KCTD1: variants seen among roughly 807,000 people sequenced by gnomAD.
The protein encoded by KCTD1 is BTB/POZ domain-containing protein KCTD1.
A neutral mutation model predicts 66.0 loss-of-function variants in KCTD1; 24 were observed. The ratio of observed to expected loss-of-function variants is 0.36; its 90% CI spans 0.26 to 0.51. The LOEUF (loss-of-function observed/expected upper bound fraction) is 0.51. Ranked by LOEUF, KCTD1 falls within the 20% of genes least tolerant of loss-of-function variation. The pLI is 0.95. For missense variants in KCTD1, 943 were observed against 1,205.2 expected (o/e 0.78, Z 3.22); for synonymous variants, 511 against 517.2 (o/e 0.99, Z 0.16).
At chr18:26,469,924 AAAAC>A (rs56839156) in intron 3 of KCTD1, among the ~76,000 whole-genome samples, 6 of 151,602 alleles carry the variant, frequency 4.0e-5, no homozygotes, top group African/African-American at 1.5e-4. Context: ...CCATCTCAAA[AAAAC>A]AAACAAACAA....
chr18:26,498,030 T>A (rs1982567621), intron 2 of KCTD1, among the ~76,000 whole-genome samples: 1 of 152,204 alleles, frequency 6.6e-6, no homozygotes, highest in African/African-American at 2.4e-5. Context: ...CAATGCTACA[T>A]GTTGGGCACA....
At chr18:26,589,014 A>G (rs1221561573) in intron 1 of KCTD1, among the ~76,000 whole-genome samples, 1 of 151,908 alleles carries the variant, frequency 6.6e-6, no homozygotes, top group Non-Finnish European at 1.5e-5. Context: ...AACTGCAAAC[A>G]ATCAGCAGAG....
chr18:26,464,113 C>T (rs1436810924), intron 3 of KCTD1, among the ~76,000 whole-genome samples: 1 of 152,160 alleles, frequency 6.6e-6, no homozygotes, highest in African/African-American at 2.4e-5. Flanking sequence ...GAGAAATTAC[C>T]ACAAATTTGG....
At chr18:26,601,702 A>C (rs963507671) in intron 1 of KCTD1, among the ~76,000 whole-genome samples, 1 of 152,172 alleles carries the variant, frequency 6.6e-6, no homozygotes, top group Admixed American at 6.5e-5. Context: ...CATAATTTGT[A>C]GTTTTCAGTT....
intron 1 of KCTD1, chr18:26,581,757 T>TTGAA (rs1162247087): frequency 2.0e-5 from 3 of 152,054 alleles, no homozygotes; most frequent in Non-Finnish European, 4.4e-5. Flanking sequence ...TACATATTTG[T>TTGAA]TGAATGAATG....
chr18:26,524,292 G>A (rs900558562), intron 1 of KCTD1, among the ~76,000 whole-genome samples: 2 of 152,132 alleles, frequency 1.3e-5, no homozygotes, highest in African/African-American at 4.8e-5. Context: ...GCAAGACAGC[G>A]CTCACAGGCT....
chr18:26,567,400 C>T (rs2144890352), intron 1 of KCTD1, among the ~76,000 whole-genome samples: 1 of 151,910 alleles, frequency 6.6e-6, no homozygotes, highest in South Asian at 2.1e-4. Flanking sequence ...GTGTCTCCAT[C>T]TTAGGGATGG....
chr18:26,552,766 G>T (rs544929264), upstream of KCTD1, among the ~76,000 whole-genome samples: 67 of 152,218 alleles, frequency 4.4e-4, no homozygotes, highest in Non-Finnish European at 7.8e-4. Flanking sequence ...GAGGTGGGCT[G>T]GGGAGGATTT....
At chr18:26,567,782 C>T (rs1391872273) in intron 1 of KCTD1, among the ~76,000 whole-genome samples, 6 of 152,014 alleles carry the variant, frequency 3.9e-5, no homozygotes, top group Non-Finnish European at 5.9e-5. Flanking sequence ...CCACCGTGCC[C>T]GGCCAAGTGC....
At chr18:26,556,100 T>A (rs778502664) in intron 1 of KCTD1, among the ~76,000 whole-genome samples, 1 of 152,248 alleles carries the variant, frequency 6.6e-6, no homozygotes, top group East Asian at 1.9e-4. Flanking sequence ...TGACTTACTT[T>A]TTCTTAGGAA....
At position 26,547,127 on chromosome 18, in the gene KCTD1, C is replaced by CT; in HGVS notation, c.1409dup (p.Leu471AlafsTer146). 6.4e-7 allele frequency: 1 copy of CT among 1,550,526 alleles called. No individual in the cohort carries two copies. Among genetic ancestry groups the CT allele is most frequent in the Non-Finnish European group, 8.7e-7 (1 of 1,146,924 alleles). On this transcript the variant is annotated frameshift_variant, in exon 1 of 5. Transcript: ENST00000580059. LOFTEE classifies it high-confidence loss of function. ...AGCCCTGCGGGGCGGGCGAGCCCAG[C>CT]TTGGTGCCAATGCCCGCGATGCTGT...
At chr18:26,656,437 G>T (rs373583415) in intron 1 of KCTD1, among the ~76,000 whole-genome samples, 1 of 152,014 alleles carries the variant, frequency 6.6e-6, no homozygotes, top group Non-Finnish European at 1.5e-5. Context: ...TAAATGAAAC[G>T]TTTGCATCCA....
At position 26,568,761 on chromosome 18, in the gene KCTD1, C is replaced by A. The variant is rs985727812; in HGVS notation, c.-16+60386G>T. ...TAACTAATTTGCTGCTACTGGTATACTTTTGATACCCAGCTTTGTACATTG... is the reference window on the plus strand; with the variant it reads ...TAACTAATTTGCTGCTACTGGTATAATTTTGATACCCAGCTTTGTACATTG... On this transcript the variant is annotated intron_variant, in intron 1 of 4. Transcript: ENST00000317932. 6.6e-5 allele frequency among the ~76,000 whole-genome samples: 10 copies of A among 152,308 alleles called. No individual in the cohort carries two copies. The South Asian group carries it at 2.1e-3, about 32-fold the overall frequency.
chr18:26,604,550 T>A lies in KCTD1; in HGVS notation c.-16+24597A>T, dbSNP rs556523979. Among the ~76,000 whole-genome samples, 43 of 152,364 alleles carry A rather than the reference T, an allele frequency of 2.8e-4. No homozygotes were observed. In the East Asian group the frequency reaches 3.3e-3, roughly 12 times the overall value. ...AATGTGGTACATATACACCATGGAATACTATGCAGCCATAAAAAATGAGAT... is the reference window on the plus strand; with the variant it reads ...AATGTGGTACATATACACCATGGAAAACTATGCAGCCATAAAAAATGAGAT... On this transcript the variant is annotated intron_variant, in intron 1 of 4. Transcript: ENST00000317932.
At chr18:26,610,717 A>G (rs552544011) in intron 1 of KCTD1, among the ~76,000 whole-genome samples, 1 of 152,248 alleles carries the variant, frequency 6.6e-6, no homozygotes, top group Admixed American at 6.5e-5. Context: ...AGAGAAAGAA[A>G]GAAAGGAAGA....
Position 26,476,456 on chromosome 18 carries a change from TGGAGCACA to T in KCTD1, c.2133+51_2133+58del. The T allele has an allele frequency of 2.0e-6, 3 of 1,498,968 alleles. No individual in the cohort carries two copies. Among genetic ancestry groups the T allele is most frequent in the African/African-American group, 2.8e-5 (2 of 71,248 alleles). The allele number at this position is 1,498,968 out of a possible 1,614,324, so 92.9% of individuals were successfully genotyped here. On this transcript the variant is annotated intron_variant, in intron 3 of 4. Transcript: ENST00000580059. This position sits in a 1 kb window ranked among gnomAD's most constrained non-coding sequence, Gnocchi z 4.9. ...TAATGTAGAACTAGAAATATTTTTT[TGGAGCACA>T]TAAAAAAATCACATATTTATGCTAT...
chr18:26,551,931 C>A (rs1481254214), upstream of KCTD1, among the ~76,000 whole-genome samples: 1 of 152,172 alleles, frequency 6.6e-6, no homozygotes, highest in East Asian at 1.9e-4. Context: ...TCGAAGCTGC[C>A]GGTCACCCCT....
At chr18:26,498,048 G>A (rs767008462) in intron 2 of KCTD1, among the ~76,000 whole-genome samples, 14 of 152,126 alleles carry the variant, frequency 9.2e-5, no homozygotes, top group Non-Finnish European at 1.8e-4. Context: ...ACAGGGCCAC[G>A]GTGTGCTTTT....
chr18:26,596,195 G>A (rs1014664344), intron 1 of KCTD1, among the ~76,000 whole-genome samples: 3 of 152,158 alleles, frequency 2.0e-5, no homozygotes, highest in African/African-American at 7.2e-5. Flanking sequence ...GGTAACTAGG[G>A]TTAGGTAAGG....
Sources: gnomAD v4.1 joint callset for allele counts (sites outside exome capture counted in the v4.1 genomes callset) on GRCh38, gnomAD v4.1.1 for gene constraint, Gnocchi (gnomAD v3.1) non-coding constraint, MANE v1.5 for transcripts, NCBI Gene and HGNC (gene_info 2026-07-23, HGNC 2026-07-21) for gene names.